The following SLC39A9 variants were observed in gnomAD, a reference collection of about 807,000 sequenced individuals.
The protein encoded by SLC39A9 is zinc transporter ZIP9.
Under a neutral mutation model 28.4 loss-of-function variants are expected in SLC39A9, and 14 were observed. The observed-to-expected ratio is 0.49, with a 90% confidence interval of 0.33 to 0.77. SLC39A9 has a LOEUF of 0.77. Ranked by LOEUF, SLC39A9 falls within the 30% of genes least tolerant of loss-of-function variation. The probability of loss-of-function intolerance (pLI) is 0.02; values close to 1 mark genes in which losing one functional copy is unlikely to be tolerated. For synonymous variants in SLC39A9, 119 were observed against 149.6 expected (o/e 0.80, Z 1.49); for missense variants, 283 against 381.1 (o/e 0.74, Z 2.14).
In SLC39A9 at chr14:69,461,022, A is replaced by G. The variant is rs1886089902; in HGVS notation, c.*2429A>G. On this transcript the variant is annotated 3_prime_UTR_variant, in exon 7 of 7. Coordinates refer to ENST00000336643, the MANE Select transcript of SLC39A9 (RefSeq NM_018375.5). ...CATGTCCGTGTTCACTTCTTGGCAC[A>G]TTTCAGTTCCGTTTTCCTCTTGTTT... 3 of 985,596 alleles carry G rather than the reference A, an allele frequency of 3.0e-6. No homozygotes were observed. The highest frequency in any genetic ancestry group is 9.4e-5 in the South Asian group (2 of 21,292). 61.1% of individuals were successfully genotyped at this position (985,596 alleles called of 1,614,324 possible).
chr14:69,434,367 A>G (rs971865927), intron 2 of SLC39A9, among the ~76,000 whole-genome samples: 7 of 144,828 alleles, frequency 4.8e-5, no homozygotes, highest in Non-Finnish European at 1.1e-4. Flanking sequence ...TACAGGCGTG[A>G]GCCACCACAC....
In SLC39A9 at chr14:69,460,472, T is replaced by G; in HGVS notation, c.*1879T>G. 1.0e-6 allele frequency: 1 copy of G among 985,508 alleles called. No homozygotes were observed. The highest frequency in any genetic ancestry group is 1.2e-6 in the Non-Finnish European group (1 of 829,944). 61.0% of individuals were successfully genotyped at this position (985,508 alleles called of 1,614,324 possible). The stretch of plus-strand genomic sequence containing the variant: ...GACTGGTGTGAGACTTGAGGTTTCA[T>G]CTAGTCCTTCAAAACTATATGGTTG... On this transcript the variant is annotated 3_prime_UTR_variant, in exon 7 of 7. Coordinates refer to ENST00000336643, the MANE Select transcript of SLC39A9 (RefSeq NM_018375.5).
chr14:69,441,268 A>G (rs1885037887), intron 2 of SLC39A9, among the ~76,000 whole-genome samples: 2 of 152,226 alleles, frequency 1.3e-5, no homozygotes, highest in African/African-American at 2.4e-5. Flanking sequence ...TGGGTGAAAG[A>G]TGAGACCTTG....
intron 3 of SLC39A9, among the ~76,000 whole-genome samples, chr14:69,445,991 T>C (rs1272671391): frequency 1.3e-5 from 2 of 151,926 alleles, no homozygotes; most frequent in Non-Finnish European, 2.9e-5. Flanking sequence ...TGGGTAGAGT[T>C]GGGAGAAAAC....
chr14:69,416,579 C>G (rs528515204), intron 1 of SLC39A9, among the ~76,000 whole-genome samples: 196 of 152,270 alleles, frequency 1.3e-3, no homozygotes, highest in African/African-American at 4.4e-3. Flanking sequence ...CTAGTTTACA[C>G]TCCCACCAGC....
Position 69,399,397 on chromosome 14 carries a change from C to T in SLC39A9, c.28C>T (p.Leu10=), listed in dbSNP as rs752466308. 4 of 1,614,032 alleles carry T rather than the reference C, an allele frequency of 2.5e-6. No homozygotes were observed. Among genetic ancestry groups the T allele is most frequent in the Non-Finnish European group, 3.4e-6 (4 of 1,179,978 alleles). MDDFISISL[L]SLAMLVGCYV... is the part of the protein sequence containing the mutation. ...GGATGATTTCATCTCCATTAGCCTG[C>T]TGTCTCTGGCTATGTTGGTGGGATG... The change falls in exon 1 of 7, where the codon CTG becomes TTG. Residue 10 remains leucine, a synonymous_variant. Transcript: ENST00000336643.
chr14:69,449,330 C>T (rs1386330725), intron 3 of SLC39A9, among the ~76,000 whole-genome samples: 1 of 152,138 alleles, frequency 6.6e-6, no homozygotes, highest in East Asian at 1.9e-4. Flanking sequence ...TTGTCAGTTT[C>T]AATTTAACGT....
At chr14:69,439,194 GA>G (rs1884924744) in intron 2 of SLC39A9, among the ~76,000 whole-genome samples, 1 of 152,174 alleles carries the variant, frequency 6.6e-6, no homozygotes, top group African/African-American at 2.4e-5. Context: ...AATAGCATCA[GA>G]GGGGGAGGGA....
intron 1 of SLC39A9, among the ~76,000 whole-genome samples, chr14:69,408,127 C>T (rs1452548315): frequency 6.6e-6 from 1 of 152,142 alleles, no homozygotes; most frequent in Non-Finnish European, 1.5e-5. Flanking sequence ...ATTCTCCTGC[C>T]TCAGCCTCCC....
intron 3 of SLC39A9, among the ~76,000 whole-genome samples, chr14:69,443,997 G>T (rs1035571771): frequency 3.3e-5 from 5 of 151,970 alleles, no homozygotes; most frequent in African/African-American, 1.2e-4. Flanking sequence ...ATCAGCCTGG[G>T]AGACATGGTG....
chr14:69,414,761 C>T (rs1277071574), intron 1 of SLC39A9, among the ~76,000 whole-genome samples: 3 of 152,170 alleles, frequency 2.0e-5, no homozygotes, highest in Non-Finnish European at 4.4e-5. Flanking sequence ...AGAAAGTAAC[C>T]TGATGCCACT....
intron 1 of SLC39A9, 78 bp from the exon 2 acceptor site, chr14:69,424,016 C>T: frequency 2.0e-6 from 2 of 1,023,684 alleles, no homozygotes; most frequent in South Asian, 2.8e-5. Flanking sequence ...AGCTCACAGT[C>T]TTGATTACAG....
chr14:69,430,638 T>G (rs1483632211), intron 2 of SLC39A9, among the ~76,000 whole-genome samples: 1 of 150,728 alleles, frequency 6.6e-6, no homozygotes, highest in Non-Finnish European at 1.5e-5. Context: ...CTTTTTTTTT[T>G]TTTTTCTTGA....
At chr14:69,438,102 A>G (rs929364063) in intron 2 of SLC39A9, among the ~76,000 whole-genome samples, 1 of 151,160 alleles carries the variant, frequency 6.6e-6, no homozygotes, top group African/African-American at 2.4e-5. Flanking sequence ...GCTCACTGCA[A>G]CCACCGCCTC....
intron 3 of SLC39A9, among the ~76,000 whole-genome samples, chr14:69,449,845 C>CTGTGTGTG (rs144331310): frequency 6.7e-6 from 1 of 149,960 alleles, no homozygotes; most frequent in African/African-American, 2.4e-5. Context: ...ACATCCTGCT[C>CTGTGTGTG]TGTGTGTGTG....
intron 2 of SLC39A9, among the ~76,000 whole-genome samples, chr14:69,425,301 A>G (rs998797306): frequency 2.6e-5 from 4 of 152,206 alleles, no homozygotes; most frequent in African/African-American, 9.7e-5. Context: ...TATACATAGA[A>G]CAGTATTTTC....
At chr14:69,400,434 G>T (rs1007734780) in intron 1 of SLC39A9, among the ~76,000 whole-genome samples, 2 of 152,180 alleles carry the variant, frequency 1.3e-5, no homozygotes, top group South Asian at 4.1e-4. Context: ...AGGTCCTTTA[G>T]GTAGGCAAAA....
intron 1 of SLC39A9, among the ~76,000 whole-genome samples, chr14:69,412,336 C>CCAAGATCA (rs1410330116): frequency 2.0e-5 from 3 of 151,346 alleles, no homozygotes; most frequent in African/African-American, 7.3e-5. Flanking sequence ...TTGCAGTGAG[C>CCAAGATCA]CAAGATCACG....
At position 69,399,167 on chromosome 14, in the gene SLC39A9, G is replaced by T. The variant is rs541114463; in HGVS notation, c.-203G>T. On this transcript the variant is annotated 5_prime_UTR_variant, in exon 1 of 7. Coordinates refer to ENST00000336643, the MANE Select transcript of SLC39A9 (RefSeq NM_018375.5). ...CTTAGATTGCTGTAAGCTTTCTCTG[G>T]TGCTAATATCAGCAAAAAGGGTCTG... 1.8e-6 allele frequency: 1 copy of T among 568,316 alleles called. No homozygotes were observed. Among genetic ancestry groups the T allele is most frequent in the Non-Finnish European group, 3.1e-6 (1 of 325,108 alleles). The allele number at this position is 568,316 out of a possible 1,614,324, so 35.2% of individuals were successfully genotyped here. A position where few individuals can be genotyped will look rare whatever the true frequency, so the allele number is the denominator to read the frequency against.
Sources: allele counts gnomAD v4.1 joint callset (sites outside exome capture counted in the v4.1 genomes callset), GRCh38; gene constraint gnomAD v4.1.1; transcripts MANE v1.5; gene names NCBI Gene and HGNC (gene_info 2026-07-23, HGNC 2026-07-21).